Variants in PWWP3B observed in about 807,000 individuals in gnomAD.
PWWP3B encodes the protein PWWP domain containing 3B.
Under a neutral mutation model 15.7 loss-of-function variants are expected in PWWP3B, and 5 were observed. The ratio of observed to expected loss-of-function variants is 0.32; its 90% CI spans 0.17 to 0.67. PWWP3B has a LOEUF of 0.67. Among genes scored for constraint, PWWP3B ranks in the 30% least tolerant of loss-of-function variants. PWWP3B has a pLI of 0.74. For missense variants in PWWP3B, 519 were observed against 493.1 expected (o/e 1.05, Z -0.50); for synonymous variants, 203 against 179.8 (o/e 1.13, Z -1.03).
At chrX:106,171,672 A>G in intron 2 of PWWP3B, among the ~76,000 whole-genome samples, 1 of 103,714 alleles carries the variant, frequency 9.6e-6, no homozygotes. Context: ...CCTACTACAC[A>G]CTTAGGCTAT....
At chrX:106,181,257 AGCGTGGAAG>A (rs1326859917) in intron 2 of PWWP3B, among the ~76,000 whole-genome samples, 1 of 111,722 alleles carries the variant, frequency 9.0e-6, no homozygotes, top group African/African-American at 3.3e-5. Flanking sequence ...AAGCTTCCAC[AGCGTGGAAG>A]GGGACCCGAG....
At chrX:106,181,448 C>T (rs1179702141) in intron 2 of PWWP3B, among the ~76,000 whole-genome samples, 1 of 111,858 alleles carries the variant, frequency 8.9e-6, no homozygotes, top group African/African-American at 3.2e-5. Context: ...TAGCTAGACA[C>T]AGGGGGCTGA....
intron 2 of PWWP3B, among the ~76,000 whole-genome samples, chrX:106,193,215 G>T (rs1196344287): frequency 9.0e-6 from 1 of 111,155 alleles, no homozygotes; most frequent in Non-Finnish European, 1.9e-5. Context: ...TTATGAATCT[G>T]GGTGCTCCTG....
In PWWP3B at chrX:106,207,011, G is replaced by T. The variant is rs372624065; in HGVS notation, c.1579G>T (p.Ala527Ser). 8.3e-7 allele frequency: 1 copy of T among 1,210,123 alleles called. No homozygotes were observed. The highest frequency in any genetic ancestry group is 1.8e-5 in the South Asian group (1 of 56,669). Reference protein sequence around the residue: ...LHNEDAREPMAVTSQTKKMSF... With the variant: ...LHNEDAREPMSVTSQTKKMSF... ...TAATGAAGATGCCAGGGAACCGATGGCTGTAACTTCCCAGACCAAGAAAAT... is the reference window on the plus strand; with the variant it reads ...TAATGAAGATGCCAGGGAACCGATGTCTGTAACTTCCCAGACCAAGAAAAT... Residue 527 changes from alanine to serine, a missense_variant, in exon 4 of 4, where the codon GCT becomes TCT. Transcript: ENST00000357175.
intron 2 of PWWP3B, among the ~76,000 whole-genome samples, chrX:106,189,161 G>T (rs944521135): frequency 8.9e-6 from 1 of 111,843 alleles, no homozygotes; most frequent in Non-Finnish European, 1.9e-5. Context: ...GCTAGAAGTC[G>T]ATACTGTCTG....
rs1923982785 is a variant in PWWP3B, at chrX:106,205,968, C to G, written c.536C>G (p.Pro179Arg). 1 of 1,210,001 alleles carries G rather than the reference C, an allele frequency of 8.3e-7. No homozygotes were observed. Among genetic ancestry groups the G allele is most frequent in the Non-Finnish European group, 1.1e-6 (1 of 894,551 alleles). ...SQAPTMVDTI[P>R]SEVETKSLQN... ...GCACCCACAATGGTCGATACTATTC[C>G]AAGTGAAGTGGAAACAAAGTCATTA... Residue 179 changes from proline to arginine, a missense_variant, in exon 4 of 4, where the codon CCA (proline) becomes CGA (arginine). By Grantham distance (103) the Pro-to-Arg change is moderately radical. Transcript: ENST00000357175.
Position 106,205,686 on chromosome X carries a change from C to T in PWWP3B, c.254C>T (p.Ala85Val). 1.7e-6 allele frequency: 2 copies of T among 1,211,354 alleles called. No individual in the cohort carries two copies. Among genetic ancestry groups the T allele is most frequent in the Non-Finnish European group, 2.2e-6 (2 of 895,299 alleles). Residue 85 changes from alanine (A) to valine (V), a missense_variant, in exon 4 of 4, where the codon GCC (alanine) becomes GTC (valine). Physicochemically the swap from Ala to Val is moderately conservative, Grantham distance 64. Transcript: ENST00000357175. ...AGTGCTCCACCTACAGAGGAAACTG[C>T]CTATGGAAGATCACTAAAAGTGGCA... ...EDSAPPTEETAYGRSLKVALG... is the reference protein window; with the variant it reads ...EDSAPPTEETVYGRSLKVALG...
intron 2 of PWWP3B, among the ~76,000 whole-genome samples, chrX:106,200,003 C>T (rs894806819): frequency 6.3e-5 from 7 of 111,601 alleles, no homozygotes; most frequent in Non-Finnish European, 1.9e-5. Flanking sequence ...TCATTTTTCT[C>T]CTGGGGTCAC....
At chrX:106,190,451 G>C (rs1305509558) in intron 2 of PWWP3B, among the ~76,000 whole-genome samples, 1 of 111,297 alleles carries the variant, frequency 9.0e-6, no homozygotes, top group Non-Finnish European at 1.9e-5. Context: ...TTAGCCCTTT[G>C]TCAGATGAGT....
chrX:106,187,440 T>G (rs2147605815), intron 2 of PWWP3B, among the ~76,000 whole-genome samples: 1 of 112,294 alleles, frequency 8.9e-6, no homozygotes, highest in South Asian at 3.7e-4. Context: ...AAGTATAAAA[T>G]CTCCAATGTG....
chrX:106,197,179 G>T (rs1244099793), intron 2 of PWWP3B, among the ~76,000 whole-genome samples: 1 of 111,657 alleles, frequency 9.0e-6, no homozygotes, highest in Non-Finnish European at 1.9e-5. Flanking sequence ...TATGTAGTTG[G>T]TCTTTGGTCA....
At chrX:106,200,504 A>G (rs1923634238) in intron 2 of PWWP3B, among the ~76,000 whole-genome samples, 1 of 111,258 alleles carries the variant, frequency 9.0e-6, no homozygotes, top group Admixed American at 9.6e-5. Context: ...TTGTAATTAT[A>G]TATATATGAG....
At chrX:106,191,760 A>G (rs1300148877) in intron 2 of PWWP3B, among the ~76,000 whole-genome samples, 1 of 111,206 alleles carries the variant, frequency 9.0e-6, no homozygotes, top group African/African-American at 3.3e-5. Flanking sequence ...AGGGTTGTTG[A>G]ATTTTGTCAA....
rs1445449289 is a variant in PWWP3B at position 106,207,729 on chromosome X, T to A, written c.*206T>A. The A allele has an allele frequency of 2.8e-6, 1 of 357,138 alleles. No homozygotes were observed. The highest frequency in any genetic ancestry group is 2.6e-5 in the African/African-American group (1 of 38,176). 29.4% of individuals were successfully genotyped at this position (357,138 alleles called of 1,213,427 possible). On this transcript the variant is annotated 3_prime_UTR_variant, in exon 4 of 4. Coordinates refer to ENST00000357175, the MANE Select transcript of PWWP3B (RefSeq NM_001171020.2). Reference sequence around the variant, plus strand: ...TTCTTCAAAGTTAATTTTGTCAACATATTTCAGCAGTTCTACTTTCCCGTA... The same window carrying A: ...TTCTTCAAAGTTAATTTTGTCAACAAATTTCAGCAGTTCTACTTTCCCGTA...
intron 2 of PWWP3B, among the ~76,000 whole-genome samples, chrX:106,181,686 TA>T (rs1922214950): frequency 9.0e-6 from 1 of 111,311 alleles, no homozygotes. Flanking sequence ...TCCTGCTGGA[TA>T]GGGGTGAAGA....
chrX:106,189,743 G>A (rs79112205), intron 2 of PWWP3B, among the ~76,000 whole-genome samples: 3 of 105,429 alleles, frequency 2.8e-5, no homozygotes, highest in Admixed American at 1.0e-4. Context: ...TCAGCCTCCC[G>A]AGTAGCTGGG....
Position 106,207,651 on chromosome X carries a change from G to T in PWWP3B, c.*128G>T. The stretch of plus-strand genomic sequence containing the variant: ...ATGGATAATGTGTTCACTTTTTTTT[G>T]AGATCTCTAGGATCTGTGGTTATAA... On this transcript the variant is annotated 3_prime_UTR_variant, in exon 4 of 4. Coordinates refer to ENST00000357175, the MANE Select transcript of PWWP3B (RefSeq NM_001171020.2). 1 of 602,553 alleles carries T rather than the reference G, an allele frequency of 1.7e-6. No homozygotes were observed. Among genetic ancestry groups the T allele is most frequent in the Non-Finnish European group, 2.4e-6 (1 of 415,792 alleles). 49.7% of individuals were successfully genotyped at this position (602,553 alleles called of 1,213,427 possible). A position where few individuals can be genotyped will look rare whatever the true frequency, so the allele number is the denominator to read the frequency against.
At chrX:106,204,741 G>A (rs1923892976) in intron 3 of PWWP3B, among the ~76,000 whole-genome samples, 1 of 111,790 alleles carries the variant, frequency 8.9e-6, no homozygotes, top group Admixed American at 9.5e-5. Flanking sequence ...AGAGGCACTT[G>A]AGAACTTTTT....
chrX:106,205,632 C>T lies in PWWP3B; in HGVS notation c.200C>T (p.Ala67Val), dbSNP rs370754636. The change falls in exon 4 of 4, where the codon GCT (alanine) becomes GTT (valine). Residue 67 changes from alanine to valine, a missense_variant. Coordinates refer to ENST00000357175, the MANE Select transcript of PWWP3B (RefSeq NM_001171020.2). ...AATAAATCTCAAATTGAAGCCATTG[C>T]TGCCTCATTAGGACTACAGTCAGAG... ...ILNKSQIEAI[A>V]ASLGLQSEDS... 1.7e-6 allele frequency: 2 copies of T among 1,209,722 alleles called. No homozygotes were observed. Among genetic ancestry groups the T allele is most frequent in the Non-Finnish European group, 2.2e-6 (2 of 894,549 alleles).
Sources: gnomAD v4.1 joint callset for allele counts (sites outside exome capture counted in the v4.1 genomes callset) on GRCh38, gnomAD v4.1.1 for gene constraint, MANE v1.5 for transcripts, NCBI Gene and HGNC (gene_info 2026-07-23, HGNC 2026-07-21) for gene names.